STIM2: variants seen among roughly 807,000 people sequenced by gnomAD.
STIM2 encodes stromal interaction molecule 2.
A neutral mutation model predicts 85.8 loss-of-function variants in STIM2; 31 were observed. The ratio of observed to expected loss-of-function variants is 0.36; its 90% CI spans 0.27 to 0.49. The LOEUF (loss-of-function observed/expected upper bound fraction) is 0.49, where lower values mean the gene tolerates loss of function less well. Among genes scored for constraint, STIM2 ranks in the 20% least tolerant of loss-of-function variants. STIM2 has a pLI of 0.98. For missense variants in STIM2, 841 were observed against 927.6 expected, an observed-to-expected ratio of 0.91 and a Z score of 1.21; for synonymous variants, 356 against 331.1, an observed-to-expected ratio of 1.08 and a Z score of -0.82.
At chr4:26,969,947 T>G (rs539894344) in intron 3 of STIM2, among the ~76,000 whole-genome samples, 3 of 152,232 alleles carry the variant, frequency 2.0e-5, no homozygotes, top group South Asian at 4.1e-4. Context: ...TACAGTATAG[T>G]GTATCTTCTC....
At chr4:26,872,772 A>G (rs1722671300) in intron 1 of STIM2, among the ~76,000 whole-genome samples, 1 of 152,238 alleles carries the variant, frequency 6.6e-6, no homozygotes, top group Admixed American at 6.5e-5. Context: ...GAGAAATGCT[A>G]TTGAGGAACA....
At chr4:26,967,500 T>C (rs1041726742) in intron 3 of STIM2, among the ~76,000 whole-genome samples, 10 of 152,142 alleles carry the variant, frequency 6.6e-5, no homozygotes, top group African/African-American at 1.9e-4. Context: ...GACGGTAATA[T>C]AGTAGGGCGC....
At chr4:26,951,896 C>G (rs997088306) in intron 2 of STIM2, among the ~76,000 whole-genome samples, 2 of 151,996 alleles carry the variant, frequency 1.3e-5, no homozygotes, top group Non-Finnish European at 2.9e-5. Context: ...TTTAGGTATG[C>G]AGAGTTCTGG....
chr4:26,915,846 T>C, intron 1 of STIM2, among the ~76,000 whole-genome samples: 1 of 152,212 alleles, frequency 6.6e-6, no homozygotes. Context: ...TTGCCTTGTG[T>C]GCCCAGCACC....
At chr4:26,888,473 A>C (rs1052323985) in intron 1 of STIM2, among the ~76,000 whole-genome samples, 11 of 152,240 alleles carry the variant, frequency 7.2e-5, no homozygotes, top group African/African-American at 2.7e-4. Context: ...AAACAAAGAT[A>C]TTTGCTAAAT....
At chr4:27,002,158 T>C (rs1728176227) in intron 5 of STIM2, 59 bp from the exon 6 acceptor site, 2 of 1,469,058 alleles carry the variant, frequency 1.4e-6, no homozygotes, top group Non-Finnish European at 1.8e-6. Context: ...AATGTCTTTT[T>C]GTATTGAGGT....
intron 3 of STIM2, among the ~76,000 whole-genome samples, chr4:26,985,981 T>C (rs1272256193): frequency 6.6e-6 from 1 of 152,218 alleles, no homozygotes; most frequent in Non-Finnish European, 1.5e-5. Flanking sequence ...TGATGGTGAA[T>C]TCGGCTGTAT....
intron 2 of STIM2, among the ~76,000 whole-genome samples, chr4:26,923,165 C>A (rs941898241): frequency 1.3e-5 from 2 of 151,320 alleles, no homozygotes; most frequent in African/African-American, 2.4e-5. Context: ...AGCTGAGGGT[C>A]CTGTCTGTTA....
At chr4:26,923,232 C>G (rs2109068553) in intron 2 of STIM2, among the ~76,000 whole-genome samples, 1 of 151,524 alleles carries the variant, frequency 6.6e-6, no homozygotes, top group South Asian at 2.1e-4. Context: ...CTGTACATCA[C>G]CATCATCAAA....
At chr4:26,878,045 T>C (rs1310913189) in intron 1 of STIM2, among the ~76,000 whole-genome samples, 1 of 152,182 alleles carries the variant, frequency 6.6e-6, no homozygotes, top group African/African-American at 2.4e-5. Context: ...GAAATATAAA[T>C]GGATTGCTGT....
At position 26,879,905 on chromosome 4, in the gene STIM2, T is replaced by G. The variant is rs1722940852; in HGVS notation, c.151+18536T>G. Among the ~76,000 whole-genome samples, 5 of 152,168 alleles carry G rather than the reference T, an allele frequency of 3.3e-5. No homozygotes were observed. The South Asian group carries it at 1.0e-3, about 32-fold the overall frequency. Reference sequence around the variant, plus strand: ...ACATTATGTCTTGAGTTTCTCTGCTTTTTTCTATTTTCATTGCCATCACTC... The same window carrying G: ...ACATTATGTCTTGAGTTTCTCTGCTGTTTTCTATTTTCATTGCCATCACTC... On this transcript the variant is annotated intron_variant, in intron 1 of 11. Coordinates refer to ENST00000467087, the MANE Select transcript of STIM2 (RefSeq NM_020860.4).
At chr4:26,978,726 G>T (rs1727284338) in intron 3 of STIM2, among the ~76,000 whole-genome samples, 1 of 152,078 alleles carries the variant, frequency 6.6e-6, no homozygotes, top group Non-Finnish European at 1.5e-5. Context: ...GCCTACTCCG[G>T]GTGATTTGGA....
intron 5 of STIM2, among the ~76,000 whole-genome samples, chr4:27,001,306 G>A (rs1371474695): frequency 6.6e-6 from 1 of 152,096 alleles, no homozygotes; most frequent in African/African-American, 2.4e-5. Context: ...TGTACTGACT[G>A]GGCTAAATCA....
Position 26,914,898 on chromosome 4 carries a change from C to T in STIM2, c.152-4606C>T, listed in dbSNP as rs544465044. ...ACAGGTGTCTGATGATCTCCTTCCA[C>T]GGGGCACATTTATGCTTCTTGGTGC... On this transcript the variant is annotated intron_variant, in intron 1 of 11. Coordinates refer to ENST00000467087, the MANE Select transcript of STIM2 (RefSeq NM_020860.4). Among the ~76,000 whole-genome samples, 6 of 152,256 alleles carry T rather than the reference C, an allele frequency of 3.9e-5. No homozygotes were observed. The South Asian group carries it at 6.2e-4, about 16-fold the overall frequency.
Position 26,887,116 on chromosome 4 carries a change from G to C in STIM2, c.151+25747G>C, listed in dbSNP as rs558334818. 2.0e-5 allele frequency among the ~76,000 whole-genome samples: 3 copies of C among 149,176 alleles called. No individual in the cohort carries two copies. The East Asian group carries it at 5.9e-4, about 29-fold the overall frequency. On this transcript the variant is annotated intron_variant, in intron 1 of 11. Transcript: ENST00000467087. ...TATAATTTAAAGAGCTAGGAAATTG[G>C]AACAACCCGTAGTGTTCAACTGCTG...
At chr4:26,873,314 G>T (rs1722697463) in intron 1 of STIM2, among the ~76,000 whole-genome samples, 1 of 151,510 alleles carries the variant, frequency 6.6e-6, no homozygotes, top group Non-Finnish European at 1.5e-5. Context: ...AAACTCACTT[G>T]AACCCTGGAG....
intron 3 of STIM2, among the ~76,000 whole-genome samples, chr4:26,981,843 T>C (rs77407023): frequency 6.6e-6 from 1 of 152,360 alleles, no homozygotes; most frequent in East Asian, 1.9e-4. Context: ...TATATCATTT[T>C]GGGTGGCACT....
At chr4:26,950,921 T>A (rs1346960309) in intron 2 of STIM2, among the ~76,000 whole-genome samples, 5 of 152,068 alleles carry the variant, frequency 3.3e-5, no homozygotes, top group Admixed American at 6.6e-5. Flanking sequence ...CTTTTTTTTT[T>A]AAATGTATCA....
intron 3 of STIM2, among the ~76,000 whole-genome samples, chr4:26,968,428 A>G (rs567011988): frequency 6.6e-6 from 1 of 152,320 alleles, no homozygotes; most frequent in East Asian, 1.9e-4. Flanking sequence ...TCACGTAAAA[A>G]ATATTGCGGG....
Sources: gnomAD v4.1 joint callset for allele counts (sites outside exome capture counted in the v4.1 genomes callset) on GRCh38, gnomAD v4.1.1 for gene constraint, MANE v1.5 for transcripts, NCBI Gene and HGNC (gene_info 2026-07-23, HGNC 2026-07-21) for gene names.